SLC22A23: variants seen among roughly 807,000 people sequenced by gnomAD.
SLC22A23 encodes the protein solute carrier family 22 member 23, also known as ion transporter protein.
In SLC22A23, 26 loss-of-function variants were observed where a neutral mutation model predicts 61.0. The ratio of observed to expected loss-of-function variants is 0.43; its 90% CI spans 0.31 to 0.59. The LOEUF is 0.59. Ranked by LOEUF, SLC22A23 falls within the 20% of genes least tolerant of loss-of-function variation. The pLI is 0.11. For missense variants in SLC22A23, 796 were observed against 934.7 expected (o/e 0.85, Z 1.94); for synonymous variants, 430 against 413.9 (o/e 1.04, Z -0.47).
At position 3,297,099 on chromosome 6, in the gene SLC22A23, T is replaced by C. The variant is rs1761175958; in HGVS notation, c.1210+992A>G. Among the ~76,000 whole-genome samples, 1 of 152,240 alleles carries C rather than the reference T, an allele frequency of 6.6e-6. No individual in the cohort carries two copies. Among genetic ancestry groups the C allele is most frequent in the Non-Finnish European group, 1.5e-5 (1 of 68,048 alleles). ...CTGACGTATGCACGTGTAACTTCCC[T>C]GTCTGTGTGCCCCACCTGCCTGCAA... On this transcript the variant is annotated intron_variant, in intron 5 of 9. Coordinates refer to ENST00000406686, the MANE Select transcript of SLC22A23 (RefSeq NM_015482.2). This position sits in a 1 kb window ranked among gnomAD's most constrained non-coding sequence, Gnocchi z 4.3.
At chr6:3,290,316 C>T (rs970271933) in intron 5 of SLC22A23, 2 of 221,280 alleles carry the variant, frequency 9.0e-6, no homozygotes, top group Non-Finnish European at 1.8e-5. Flanking sequence ...GGCTCGGAGA[C>T]TGGGAAGGCC....
chr6:3,275,522 AAAG>A (rs1462680125), intron 9 of SLC22A23, among the ~76,000 whole-genome samples: 9 of 152,234 alleles, frequency 5.9e-5, no homozygotes, highest in African/African-American at 1.9e-4. Context: ...TTTAAGAAAA[AAAG>A]ACCATAGACT....
At chr6:3,432,261 C>T in intron 1 of SLC22A23, 1 of 985,464 alleles carries the variant, frequency 1.0e-6, no homozygotes, top group Non-Finnish European at 1.2e-6. Flanking sequence ...AGCTCTGTTC[C>T]TCTGCTGAGT....
In SLC22A23 at chr6:3,304,887, G is replaced by A. The variant is rs143922647; in HGVS notation, c.1083-6669C>T. On this transcript the variant is annotated intron_variant, in intron 4 of 9. Transcript: ENST00000406686. This position sits in a 1 kb window ranked among gnomAD's most constrained non-coding sequence, Gnocchi z 4.3. ...TGGGAATGAGGTGAGAAGACGCAGG[G>A]AGAGGAGAGGGATGCAGGGCCCAGG... Among the ~76,000 whole-genome samples, 119 of 152,290 alleles carry A rather than the reference G, an allele frequency of 7.8e-4. No homozygotes were observed. The highest frequency in any genetic ancestry group is 2.7e-3 in the African/African-American group (111 of 41,548).
intron 1 of SLC22A23, among the ~76,000 whole-genome samples, chr6:3,451,778 A>C (rs896685300): frequency 6.6e-6 from 1 of 152,194 alleles, no homozygotes; most frequent in African/African-American, 2.4e-5. Flanking sequence ...GATAAAATGC[A>C]GAGCTTGTGA....
At position 3,390,850 on chromosome 6, in the gene SLC22A23, G is replaced by A. The variant is rs1016828401; in HGVS notation, c.913+19338C>T. 1.6e-4 allele frequency among the ~76,000 whole-genome samples: 24 copies of A among 152,284 alleles called. No homozygotes were observed. Among genetic ancestry groups the A allele is most frequent in the Non-Finnish European group, 3.1e-4 (21 of 68,028 alleles). On this transcript the variant is annotated intron_variant, in intron 3 of 9. Coordinates refer to ENST00000406686, the MANE Select transcript of SLC22A23 (RefSeq NM_015482.2). This position sits in a 1 kb window ranked among gnomAD's most constrained non-coding sequence, Gnocchi z 4.0. ...CTGCCAAACCACTGGCTTCCAATGC[G>A]GAAGCTGGAGTTCTGCCCAGAAGCC... is the stretch of plus-strand genomic sequence containing the variant.
chr6:3,432,374 G>A (rs913536), intron 1 of SLC22A23: 367,417 of 984,668 alleles, frequency 0.37, 69,039 homozygotes, highest in East Asian at 0.47. Flanking sequence ...TTTTTTCCCC[G>A]AATTCTGAAA....
At chr6:3,337,729 C>T (rs780071425) in intron 3 of SLC22A23, among the ~76,000 whole-genome samples, 2 of 152,090 alleles carry the variant, frequency 1.3e-5, no homozygotes, top group Non-Finnish European at 2.9e-5. Context: ...AGGCTGGGCT[C>T]GGCCTTGGTG....
At chr6:3,400,147 G>A (rs1383209710) in intron 3 of SLC22A23, among the ~76,000 whole-genome samples, 1 of 152,122 alleles carries the variant, frequency 6.6e-6, no homozygotes, top group African/African-American at 2.4e-5. Context: ...CAAAGTGCTG[G>A]GATTACAGGC....
At chr6:3,279,749 G>A (rs929911943) in intron 9 of SLC22A23, among the ~76,000 whole-genome samples, 1 of 151,996 alleles carries the variant, frequency 6.6e-6, no homozygotes, top group East Asian at 1.9e-4. Flanking sequence ...GGCAGCATAC[G>A]CCCGTGTTTA....
intron 3 of SLC22A23, among the ~76,000 whole-genome samples, chr6:3,367,877 C>T (rs1347512497): frequency 1.3e-5 from 2 of 152,248 alleles, no homozygotes; most frequent in Non-Finnish European, 2.9e-5. Flanking sequence ...AAAACCCCGA[C>T]ACTGGACTCT....
intron 3 of SLC22A23, among the ~76,000 whole-genome samples, chr6:3,370,453 G>A (rs913205139): frequency 6.6e-6 from 1 of 152,256 alleles, no homozygotes; most frequent in Non-Finnish European, 1.5e-5. Flanking sequence ...AGGCTCACTC[G>A]CACTGGAGAC....
At chr6:3,299,407 C>T (rs1233309329) in intron 4 of SLC22A23, among the ~76,000 whole-genome samples, 1 of 152,204 alleles carries the variant, frequency 6.6e-6, no homozygotes, top group African/African-American at 2.4e-5. Context: ...GGGTTTCCTT[C>T]AGAGCTATTT....
rs1439408525 is a variant in SLC22A23 at position 3,317,602 on chromosome 6, A to G, written c.1082+6232T>C. Among the ~76,000 whole-genome samples the G allele has an allele frequency of 6.6e-6, 1 of 152,158 alleles. No individual in the cohort carries two copies. The highest frequency in any genetic ancestry group is 1.9e-4 in the East Asian group (1 of 5,196). On this transcript the variant is annotated intron_variant, in intron 4 of 9. Transcript: ENST00000406686. The surrounding 1 kb of genome is among the most constrained non-coding windows in gnomAD (Gnocchi z 4.4). ...AGTCGGTATGACTTCCTTCTAGATG[A>G]GCGCTAAATCCCTGCTGCTCTTTAC...
intron 3 of SLC22A23, among the ~76,000 whole-genome samples, chr6:3,354,161 C>A (rs746179819): frequency 6.6e-6 from 1 of 152,234 alleles, no homozygotes; most frequent in Non-Finnish European, 1.5e-5. Context: ...CCACATGCAA[C>A]TTCTAAGCAA....
intron 3 of SLC22A23, among the ~76,000 whole-genome samples, chr6:3,380,331 T>A (rs1410388300): frequency 7.2e-5 from 11 of 152,200 alleles, no homozygotes; most frequent in Non-Finnish European, 1.5e-5. Context: ...GATAGTAGTA[T>A]AAGGCTGAAC....
At chr6:3,370,353 C>T (rs1281591322) in intron 3 of SLC22A23, among the ~76,000 whole-genome samples, 1 of 152,278 alleles carries the variant, frequency 6.6e-6, no homozygotes, top group Admixed American at 6.5e-5. Flanking sequence ...CTCACCGGGG[C>T]AGTGGGGGTG....
Position 3,371,552 on chromosome 6 carries a change from G to A in SLC22A23, c.913+38636C>T, listed in dbSNP as rs533112042. 3.3e-5 allele frequency among the ~76,000 whole-genome samples: 5 copies of A among 152,274 alleles called. No homozygotes were observed. The East Asian group carries it at 9.6e-4, about 29-fold the overall frequency. On this transcript the variant is annotated intron_variant, in intron 3 of 9. Transcript: ENST00000406686. The stretch of plus-strand genomic sequence containing the variant: ...CTTAGACTCCTGGATGGACCCTCAG[G>A]CCTGCCCCTTACCAGCTCTATGGGT...
rs9503597 is a variant in SLC22A23, at chr6:3,445,818, G to A, written c.654+10088C>T. 8.8e-3 allele frequency among the ~76,000 whole-genome samples: 1,334 copies of A among 152,224 alleles called. 18 individuals are homozygous for A. The highest frequency in any genetic ancestry group is 0.031 in the African/African-American group (1,270 of 41,518). On this transcript the variant is annotated intron_variant, in intron 1 of 9. Coordinates refer to ENST00000406686, the MANE Select transcript of SLC22A23 (RefSeq NM_015482.2). ...ATATACAAGATGCCCCCTACAACAA[G>A]GAGGGGTGGCAGGGGAGGAGAGGAA...
Sources: gnomAD v4.1 joint callset for allele counts (sites outside exome capture counted in the v4.1 genomes callset) on GRCh38, gnomAD v4.1.1 for gene constraint, Gnocchi (gnomAD v3.1) non-coding constraint, MANE v1.5 for transcripts, NCBI Gene and HGNC (gene_info 2026-07-23, HGNC 2026-07-21) for gene names.